Variants in RAVER2 observed in about 807,000 individuals in gnomAD.
RAVER2 encodes the protein ribonucleoprotein PTB-binding 2.
A neutral mutation model predicts 78.1 loss-of-function variants in RAVER2; 46 were observed. The observed-to-expected ratio is 0.59, with a 90% confidence interval of 0.46 to 0.75. The LOEUF is 0.75. Ranked by LOEUF, RAVER2 falls within the 30% of genes least tolerant of loss-of-function variation. The pLI, the probability that RAVER2 is intolerant of heterozygous loss-of-function variation, is 0.00. For missense variants in RAVER2, 793 were observed against 837.5 expected, an observed-to-expected ratio of 0.95 and a Z score of 0.66; for synonymous variants, 311 against 313.3, an observed-to-expected ratio of 0.99 and a Z score of 0.08.
At chr1:64,764,399 A>G in intron 1 of RAVER2, among the ~76,000 whole-genome samples, 1 of 152,134 alleles carries the variant, frequency 6.6e-6, no homozygotes, top group East Asian at 1.9e-4. Flanking sequence ...ACAGCACACA[A>G]AAATGAACTC....
chr1:64,745,475 C>G lies in RAVER2; in HGVS notation c.249+54C>G, dbSNP rs116551043. On this transcript the variant is annotated intron_variant, in intron 1 of 11. Coordinates refer to ENST00000294428, the Ensembl canonical transcript of RAVER2. The surrounding 1 kb of genome is among the most constrained non-coding windows in gnomAD (Gnocchi z 4.3). Reference sequence around the variant, plus strand: ...TCCCGAGGGGCGGCGGGGCGGCGCTCCGTGTCCAGGCTGGGATCGGGGGCG... The same window carrying G: ...TCCCGAGGGGCGGCGGGGCGGCGCTGCGTGTCCAGGCTGGGATCGGGGGCG... 1 of 1,469,026 alleles carries G rather than the reference C, an allele frequency of 6.8e-7. No individual in the cohort carries two copies. The highest frequency in any genetic ancestry group is 1.5e-5 in the African/African-American group (1 of 68,266). The allele number at this position is 1,469,026 out of a possible 1,614,324, so 91.0% of individuals were successfully genotyped here.
chr1:64,765,091 C>T (rs1243785732), intron 1 of RAVER2, among the ~76,000 whole-genome samples: 2 of 152,146 alleles, frequency 1.3e-5, no homozygotes, highest in African/African-American at 4.8e-5. Flanking sequence ...TAAATTGACA[C>T]AACTTAAGTC....
intron 5 of RAVER2, among the ~76,000 whole-genome samples, chr1:64,792,799 C>T (rs778131238): frequency 2.3e-4 from 35 of 152,072 alleles, no homozygotes; most frequent in Non-Finnish European, 3.8e-4. Flanking sequence ...TCAATAAATT[C>T]CGTTTATTTT....
intron 3 of RAVER2, 70 bp downstream of exon 3, chr1:64,778,162 A>G: frequency 8.9e-7 from 1 of 1,122,500 alleles, no homozygotes; most frequent in South Asian, 1.7e-5. Context: ...ACATACACTC[A>G]CAAATTTATC....
At chr1:64,805,077 G>A (rs1056020362) in exon 8 of RAVER2, 2 of 1,613,952 alleles carry the variant, frequency 1.2e-6, no homozygotes, top group East Asian at 2.2e-5. Flanking sequence ...AAAAGGAGTT[G>A]GGACATCATC....
intron 11 of RAVER2, chr1:64,816,353 T>C (rs951238247): frequency 2.0e-5 from 3 of 152,160 alleles, no homozygotes; most frequent in Non-Finnish European, 4.4e-5. Flanking sequence ...CCCTGCACTG[T>C]TCAGTGTCTC....
At chr1:64,789,563 G>C (rs1314502676) in intron 5 of RAVER2, 49 bp downstream of exon 5, 1 of 1,345,254 alleles carries the variant, frequency 7.4e-7, no homozygotes, top group Non-Finnish European at 9.7e-7. Context: ...CTAGCATGAA[G>C]TTAATTTTTT....
At chr1:64,788,635 A>C in intron 4 of RAVER2, among the ~76,000 whole-genome samples, 1 of 151,878 alleles carries the variant, frequency 6.6e-6, no homozygotes. Context: ...CACTAAAAAT[A>C]CAAAAAATTA....
At chr1:64,756,013 T>G (rs1188773684) in intron 1 of RAVER2, among the ~76,000 whole-genome samples, 1 of 152,142 alleles carries the variant, frequency 6.6e-6, no homozygotes, top group Non-Finnish European at 1.5e-5. Context: ...CTCCCAGTCC[T>G]CAGATGCATT....
intron 1 of RAVER2, among the ~76,000 whole-genome samples, chr1:64,764,501 ACTT>A (rs1275715768): frequency 6.6e-6 from 1 of 152,206 alleles, no homozygotes; most frequent in Non-Finnish European, 1.5e-5. Flanking sequence ...TTAGGAAAGG[ACTT>A]CTTAAGCCAC....
chr1:64,774,118 G>C (rs183771580), intron 2 of RAVER2, among the ~76,000 whole-genome samples: 1 of 151,980 alleles, frequency 6.6e-6, no homozygotes. Flanking sequence ...ATTTTCTCCC[G>C]TTCTGTACGT....
At chr1:64,823,954 C>CCA (rs1358887463) in intron 11 of RAVER2, among the ~76,000 whole-genome samples, 2 of 151,930 alleles carry the variant, frequency 1.3e-5, no homozygotes, top group African/African-American at 4.8e-5. Context: ...TTACAAGCAC[C>CCA]CACCACCATG....
intron 4 of RAVER2, among the ~76,000 whole-genome samples, chr1:64,785,245 G>C (rs1333150146): frequency 6.6e-6 from 1 of 151,960 alleles, no homozygotes; most frequent in Non-Finnish European, 1.5e-5. Flanking sequence ...AATAGGTGCT[G>C]ACCTTTATCA....
At chr1:64,817,935 C>T (rs1183594051) in intron 11 of RAVER2, among the ~76,000 whole-genome samples, 1 of 152,050 alleles carries the variant, frequency 6.6e-6, no homozygotes, top group East Asian at 1.9e-4. Flanking sequence ...AAATGATCAC[C>T]TTCATTATAC....
chr1:64,792,249 T>C (rs563417748), intron 5 of RAVER2, among the ~76,000 whole-genome samples: 134 of 152,212 alleles, frequency 8.8e-4, no homozygotes, highest in Non-Finnish European at 1.7e-3. Flanking sequence ...AGTTGTTCTC[T>C]TGTGGATATA....
At chr1:64,797,505 GAAGAA>G (rs943303616) in intron 5 of RAVER2, among the ~76,000 whole-genome samples, 4 of 152,196 alleles carry the variant, frequency 2.6e-5, no homozygotes, top group Non-Finnish European at 4.4e-5. Context: ...ATGAAAAAGA[GAAGAA>G]GAGTTGTTGA....
chr1:64,804,924 A>C, intron 7 of RAVER2, 67 bp from the exon 8 acceptor site: 1 of 1,539,664 alleles, frequency 6.5e-7, no homozygotes, highest in Non-Finnish European at 8.9e-7. Flanking sequence ...ATGAATTTTC[A>C]CGTGTGTAGC....
At chr1:64,805,148 T>A (rs1038065910) in intron 8 of RAVER2, 43 bp downstream of exon 8, 1 of 1,531,808 alleles carries the variant, frequency 6.5e-7, no homozygotes, top group Non-Finnish European at 9.0e-7. Context: ...AACAGTCAGG[T>A]TTGAGATTTA....
chr1:64,802,369 C>T (rs1423653317), intron 5 of RAVER2, among the ~76,000 whole-genome samples: 1 of 152,112 alleles, frequency 6.6e-6, no homozygotes, highest in Non-Finnish European at 1.5e-5. Flanking sequence ...TCTGACACCC[C>T]CCACCTGCTC....
Sources: allele counts gnomAD v4.1 joint callset (sites outside exome capture counted in the v4.1 genomes callset), GRCh38; gene constraint gnomAD v4.1.1; non-coding constraint Gnocchi (gnomAD v3.1); transcripts MANE v1.5; gene names NCBI Gene and HGNC (gene_info 2026-07-23, HGNC 2026-07-21).